Variants in TNS1 observed in about 807,000 individuals in gnomAD.
The protein encoded by TNS1 is tensin-1.
TNS1 carries 62 observed loss-of-function variants against 168.6 expected under a neutral mutation model. The observed-to-expected ratio is 0.37, with a 90% CI of 0.30 to 0.45. The LOEUF is 0.45. TNS1 is among the 20% of genes least tolerant of loss of function. TNS1 has a pLI of 1.00. For synonymous variants in TNS1, 934 were observed against 933.2 expected, an observed-to-expected ratio of 1.00 and a Z score of -0.02; for missense variants, 2,240 against 2,339.4, an observed-to-expected ratio of 0.96 and a Z score of 0.88.
intron 8 of TNS1, among the ~76,000 whole-genome samples, chr2:217,896,767 A>G (rs1162802045): frequency 6.6e-6 from 1 of 152,256 alleles, no homozygotes; most frequent in East Asian, 1.9e-4. Context: ...GGTCTCTTAC[A>G]TAAAATATGT....
At chr2:217,851,797 C>T (rs1574814106) in intron 18 of TNS1, among the ~76,000 whole-genome samples, 3 of 152,318 alleles carry the variant, frequency 2.0e-5, no homozygotes, top group Admixed American at 2.0e-4. Flanking sequence ...ATGAGGGAGG[C>T]TGACCTTCAT....
At chr2:217,877,068 G>A (rs1950262907) in intron 18 of TNS1, among the ~76,000 whole-genome samples, 1 of 152,214 alleles carries the variant, frequency 6.6e-6, no homozygotes, top group African/African-American at 2.4e-5. Context: ...AGAGAACTTC[G>A]TCCAGTCCGA....
At chr2:217,993,798 G>A (rs1958419875) in intron 1 of TNS1, among the ~76,000 whole-genome samples, 1 of 152,244 alleles carries the variant, frequency 6.6e-6, no homozygotes, top group African/African-American at 2.4e-5. Context: ...GGGCTGGTCA[G>A]GTAAGAGAGT....
At chr2:218,030,500 G>T (rs1958883175) in intron 1 of TNS1, among the ~76,000 whole-genome samples, 1 of 152,224 alleles carries the variant, frequency 6.6e-6, no homozygotes. Context: ...TCTGCTTTCT[G>T]CCCTATCCCC....
chr2:217,941,757 T>C (rs1956923227), intron 3 of TNS1, among the ~76,000 whole-genome samples: 1 of 152,180 alleles, frequency 6.6e-6, no homozygotes, highest in Non-Finnish European at 1.5e-5. Flanking sequence ...CAAGATGCTC[T>C]CCACCTTACA....
chr2:217,849,002 C>T lies in TNS1; in HGVS notation c.1515G>A (p.Gly505=), dbSNP rs954023780. 9 of 1,614,014 alleles carry T rather than the reference C, an allele frequency of 5.6e-6. No homozygotes were observed. Among genetic ancestry groups the T allele is most frequent in the Non-Finnish European group, 7.6e-6 (9 of 1,180,000 alleles). The change falls in exon 19 of 33, where the codon GGG becomes GGA. Residue 505 remains glycine, a synonymous_variant. Coordinates refer to ENST00000682258, the MANE Select transcript of TNS1 (RefSeq NM_001387777.1). The part of the protein sequence containing the change: ...KKKDSLHGST[G]AVNATRPTLS... ...GTGTAGGACGTGTGGCATTAACAGC[C>T]CCGGTGCTGCCGTGCAGGGAGTCTT...
chr2:218,004,774 G>A (rs1958642415), upstream of TNS1, among the ~76,000 whole-genome samples: 1 of 152,122 alleles, frequency 6.6e-6, no homozygotes, highest in African/African-American at 2.4e-5. Context: ...TCTGGGGCTG[G>A]GAAAGATCCT....
At chr2:217,918,072 T>C (rs1317945566) in intron 4 of TNS1, among the ~76,000 whole-genome samples, 3 of 152,136 alleles carry the variant, frequency 2.0e-5, no homozygotes, top group African/African-American at 7.2e-5. Context: ...AAAGGAAACC[T>C]GTCACGTAGG....
intron 6 of TNS1, among the ~76,000 whole-genome samples, chr2:217,905,737 G>T (rs931397219): frequency 1.3e-5 from 2 of 152,188 alleles, no homozygotes; most frequent in Non-Finnish European, 2.9e-5. Flanking sequence ...CCCGAACGGG[G>T]CTCAAAGCAC....
intron 1 of TNS1, among the ~76,000 whole-genome samples, chr2:218,017,171 C>T (rs1427738814): frequency 6.6e-6 from 1 of 152,218 alleles, no homozygotes; most frequent in East Asian, 1.9e-4. Context: ...GATCAGGAGC[C>T]ACCCTGGCCA....
intron 18 of TNS1, among the ~76,000 whole-genome samples, chr2:217,864,272 G>A (rs1156562968): frequency 6.6e-6 from 1 of 152,232 alleles, no homozygotes; most frequent in Non-Finnish European, 1.5e-5. Context: ...AGGGTATATG[G>A]GGCTTTGGGA....
intron 15 of TNS1, 105 bp downstream of exon 15, chr2:217,885,639 G>T: frequency 8.4e-7 from 1 of 1,195,678 alleles, no homozygotes. Flanking sequence ...AAGCCTGGCA[G>T]CCCAGGAGGA....
intron 2 of TNS1, among the ~76,000 whole-genome samples, chr2:217,981,518 G>A (rs148686970): frequency 2.6e-5 from 4 of 152,330 alleles, no homozygotes; most frequent in Admixed American, 2.6e-4. Flanking sequence ...CAGAAAGCTT[G>A]TCCTTGGCAG....
chr2:217,931,228 C>T (rs1202240023), intron 3 of TNS1, among the ~76,000 whole-genome samples: 3 of 152,148 alleles, frequency 2.0e-5, no homozygotes, highest in Non-Finnish European at 2.9e-5. Flanking sequence ...GGATTCAAGT[C>T]CATCTGTTTT....
intron 18 of TNS1, among the ~76,000 whole-genome samples, chr2:217,858,874 ACGGTGGCTTCC>A (rs1228827878): frequency 6.6e-6 from 1 of 151,856 alleles, no homozygotes; most frequent in African/African-American, 2.4e-5. Context: ...GAATGACATC[ACGGTGGCTTCC>A]CAAGCCCTTC....
chr2:218,004,243 C>A (rs765138559), upstream of TNS1, among the ~76,000 whole-genome samples: 2 of 152,240 alleles, frequency 1.3e-5, no homozygotes. Flanking sequence ...CCAGAGTAGG[C>A]ACTTGGAGAC....
In TNS1 at chr2:217,801,781, G is replaced by A. The variant is rs1223853888; in HGVS notation, c.*2678C>T. 1 of 152,240 alleles carries A rather than the reference G, an allele frequency of 6.6e-6. No individual in the cohort carries two copies. Among genetic ancestry groups the A allele is most frequent in the Admixed American group, 6.5e-5 (1 of 15,286 alleles). 9.4% of individuals were successfully genotyped at this position (152,240 alleles called of 1,614,324 possible). ...CAGGGCCCAGAGGTGGGGCCACTGTGGGGACTGGGGAACCCTTCCCCATCA... is the reference window on the plus strand; with the variant it reads ...CAGGGCCCAGAGGTGGGGCCACTGTAGGGACTGGGGAACCCTTCCCCATCA... On this transcript the variant is annotated 3_prime_UTR_variant, in exon 33 of 33. Coordinates refer to ENST00000682258, the MANE Select transcript of TNS1 (RefSeq NM_001387777.1).
At chr2:217,937,387 C>T (rs559985635) in intron 3 of TNS1, among the ~76,000 whole-genome samples, 1 of 152,242 alleles carries the variant, frequency 6.6e-6, no homozygotes, top group South Asian at 2.1e-4. Flanking sequence ...AGGAGCCAAC[C>T]CCTGGGGCTG....
At chr2:217,983,335 G>T (rs189764395) in intron 2 of TNS1, among the ~76,000 whole-genome samples, 2 of 152,108 alleles carry the variant, frequency 1.3e-5, no homozygotes, top group African/African-American at 2.4e-5. Flanking sequence ...ACAAACCCAC[G>T]TATGCACCCT....
Sources: gnomAD v4.1 joint callset for allele counts (sites outside exome capture counted in the v4.1 genomes callset) on GRCh38, gnomAD v4.1.1 for gene constraint, MANE v1.5 for transcripts, NCBI Gene and HGNC (gene_info 2026-07-23, HGNC 2026-07-21) for gene names.